The following SAP30L variants were observed in gnomAD, a reference collection of about 807,000 sequenced individuals.
The protein encoded by SAP30L is SAP30 like.
Under a neutral mutation model 22.3 loss-of-function variants are expected in SAP30L, and 10 were observed. The observed-to-expected ratio is 0.45, with a 90% CI of 0.28 to 0.76. The LOEUF is 0.76. SAP30L is among the 30% of genes least tolerant of loss of function. The pLI, the probability that SAP30L is intolerant of heterozygous loss-of-function variation, is 0.14. For synonymous variants in SAP30L, 91 were observed against 94.1 expected (o/e 0.97, Z 0.19); for missense variants, 206 against 237.9 (o/e 0.87, Z 0.88).
intron 3 of SAP30L, 86 bp downstream of exon 3, chr5:154,453,586 T>A: frequency 1.1e-6 from 1 of 919,940 alleles, no homozygotes; most frequent in Non-Finnish European, 1.8e-6. Context: ...CTTGTGTGTC[T>A]GCTAATTGTA....
chr5:154,453,540 G>T, intron 3 of SAP30L, 40 bp downstream of exon 3: 1 of 1,303,306 alleles, frequency 7.7e-7, no homozygotes, highest in Non-Finnish European at 1.1e-6. Flanking sequence ...AGCCAGCATT[G>T]TGCTGCTTCT....
rs1276082901 is a variant in SAP30L, at chr5:154,459,865, AAAC to A, written c.*3841_*3843del. On this transcript the variant is annotated 3_prime_UTR_variant, in exon 4 of 4. Coordinates refer to ENST00000297109, the MANE Select transcript of SAP30L (RefSeq NM_024632.6). Reference sequence around the variant, plus strand: ...GGACTTTGCACTGTTTTTGCTGAGAAAACAACGCTTCAGGACTTAAGGTCTAAG... The same window carrying A: ...GGACTTTGCACTGTTTTTGCTGAGAAAACGCTTCAGGACTTAAGGTCTAAG... 3.3e-5 allele frequency: 5 copies of A among 152,180 alleles called. No homozygotes were observed. The highest frequency in any genetic ancestry group is 7.3e-5 in the Non-Finnish European group (5 of 68,040). 9.4% of individuals were successfully genotyped at this position (152,180 alleles called of 1,614,324 possible).
intron 1 of SAP30L, among the ~76,000 whole-genome samples, chr5:154,450,268 C>T (rs1300418423): frequency 1.3e-5 from 2 of 152,214 alleles, no homozygotes; most frequent in Admixed American, 1.3e-4. Context: ...TAGTATCCAC[C>T]TTCTTGTATG....
In SAP30L at chr5:154,446,069, T is replaced by G. The variant is rs1756989099; in HGVS notation, c.-536T>G. 6.7e-6 allele frequency: 1 copy of G among 149,382 alleles called. No individual in the cohort carries two copies. Among genetic ancestry groups the G allele is most frequent in the African/African-American group, 2.5e-5 (1 of 40,798 alleles). 9.3% of individuals were successfully genotyped at this position (149,382 alleles called of 1,614,324 possible). On this transcript the variant is annotated 5_prime_UTR_variant, in exon 1 of 4. Coordinates refer to ENST00000297109, the MANE Select transcript of SAP30L (RefSeq NM_024632.6). ...CCGCGGGACTCGGGGCGCAGCCGAG[T>G]GGCTGCAGGGGTGGAGTGGGCCGGA...
At position 154,455,822 on chromosome 5, in the gene SAP30L, C is replaced by G. The variant is rs544591474; in HGVS notation, c.424-78C>G. ...GCCACAGCATGCAAACAACTCCATT[C>G]GCTTCTTTGTACAATGTAGAATTTG... On this transcript the variant is annotated intron_variant, in intron 3 of 3. Coordinates refer to ENST00000297109, the MANE Select transcript of SAP30L (RefSeq NM_024632.6). The G allele has an allele frequency of 1.3e-3, 1,930 of 1,476,984 alleles. 2 individuals carry two copies. The highest frequency in any genetic ancestry group is 1.6e-3 in the Non-Finnish European group (1,815 of 1,107,906). 91.5% of individuals were successfully genotyped at this position (1,476,984 alleles called of 1,614,324 possible). A position where few individuals can be genotyped will look rare whatever the true frequency, so the allele number is the denominator to read the frequency against.
chr5:154,448,423 T>G (rs1413122634), intron 1 of SAP30L, among the ~76,000 whole-genome samples: 2 of 152,196 alleles, frequency 1.3e-5, no homozygotes, highest in Non-Finnish European at 2.9e-5. Flanking sequence ...TATCAATGAA[T>G]GCATGAATGG....
chr5:154,454,681 T>G (rs1306550855), intron 3 of SAP30L, among the ~76,000 whole-genome samples: 3 of 152,192 alleles, frequency 2.0e-5, no homozygotes, highest in Non-Finnish European at 4.4e-5. Flanking sequence ...CCTCTCCTAC[T>G]TTAAAATAAC....
At chr5:154,452,729 T>G (rs11747607) in intron 2 of SAP30L, among the ~76,000 whole-genome samples, 79,596 of 146,798 alleles carry the variant, frequency 0.54, 21,238 homozygotes, top group South Asian at 0.64. Flanking sequence ...AGCAAAGAGC[T>G]ATTTGAGGAT....
chr5:154,447,969 C>CTTTTTTTTTTTTTTTTTTTTTTTTTGTTT (rs140213326), intron 1 of SAP30L, among the ~76,000 whole-genome samples: 1 of 88,350 alleles, frequency 1.1e-5, no homozygotes, highest in Non-Finnish European at 2.0e-5. Context: ...TTTTCTTTTT[C>CTTTTTTTTTTTTTTTTTTTTTTTTTGTTT]TTTTTTTTTT....
chr5:154,458,746 A>G lies in SAP30L; in HGVS notation c.*2718A>G, dbSNP rs1014155661. On this transcript the variant is annotated 3_prime_UTR_variant, in exon 4 of 4. Transcript: ENST00000297109. The stretch of plus-strand genomic sequence containing the variant: ...TGGAAACATCAGTATCCTGCCATTC[A>G]TGTTGTTTTAAGATGTTTTAAAAAC... The G allele has an allele frequency of 2.0e-5, 3 of 152,156 alleles. No homozygotes were observed. Among genetic ancestry groups the G allele is most frequent in the African/African-American group, 7.2e-5 (3 of 41,414 alleles). 9.4% of individuals were successfully genotyped at this position (152,156 alleles called of 1,614,324 possible). A position where few individuals can be genotyped will look rare whatever the true frequency, so the allele number is the denominator to read the frequency against.
chr5:154,450,976 C>G, intron 1 of SAP30L, 115 bp from the exon 2 acceptor site: 2 of 1,102,108 alleles, frequency 1.8e-6, no homozygotes, highest in East Asian at 2.4e-5. Context: ...TACATCTTGT[C>G]TTCCATCTAT....
intron 2 of SAP30L, 200 bp from the exon 3 acceptor site, chr5:154,453,202 A>G: frequency 6.0e-6 from 3 of 502,362 alleles, no homozygotes. Context: ...AGATCAGCCC[A>G]CCCCAGCCAG....
chr5:154,449,344 G>A (rs1382182604), intron 1 of SAP30L, among the ~76,000 whole-genome samples: 1 of 152,168 alleles, frequency 6.6e-6, no homozygotes, highest in Non-Finnish European at 1.5e-5. Flanking sequence ...GAAGGCCTGG[G>A]TGACCTTGGC....
At chr5:154,454,617 T>C (rs1007493005) in intron 3 of SAP30L, among the ~76,000 whole-genome samples, 1 of 152,158 alleles carries the variant, frequency 6.6e-6, no homozygotes, top group Non-Finnish European at 1.5e-5. Flanking sequence ...GACCGTCACT[T>C]TTTCTTAAAC....
chr5:154,457,148 A>C lies in SAP30L; in HGVS notation c.*1120A>C, dbSNP rs1309654538. ...ATTTGCCTCCCTCTTAGGGAGAAAG[A>C]TTGCTAAAATAATTTTTGAAAATTA... On this transcript the variant is annotated 3_prime_UTR_variant, in exon 4 of 4. Coordinates refer to ENST00000297109, the MANE Select transcript of SAP30L (RefSeq NM_024632.6). 6.6e-6 allele frequency: 1 copy of C among 152,198 alleles called. No homozygotes were observed. Among genetic ancestry groups the C allele is most frequent in the African/African-American group, 2.4e-5 (1 of 41,450 alleles). The allele number at this position is 152,198 out of a possible 1,614,324, so 9.4% of individuals were successfully genotyped here. A position where few individuals can be genotyped will look rare whatever the true frequency, so the allele number is the denominator to read the frequency against.
rs890041596 is a variant in SAP30L, at chr5:154,458,054, T to G, written c.*2026T>G. 1 of 152,234 alleles carries G rather than the reference T, an allele frequency of 6.6e-6. No individual in the cohort carries two copies. Among genetic ancestry groups the G allele is most frequent in the Non-Finnish European group, 1.5e-5 (1 of 68,042 alleles). The allele number at this position is 152,234 out of a possible 1,614,324, so 9.4% of individuals were successfully genotyped here. A position where few individuals can be genotyped will look rare whatever the true frequency, so the allele number is the denominator to read the frequency against. On this transcript the variant is annotated 3_prime_UTR_variant, in exon 4 of 4. Coordinates refer to ENST00000297109, the MANE Select transcript of SAP30L (RefSeq NM_024632.6). ...CTATTTCTTTAGCAGCAAATCTGTT[T>G]TCCCAGTTGAGAGAGACAATAGCTT...
At chr5:154,455,132 G>C (rs1328267049) in intron 3 of SAP30L, among the ~76,000 whole-genome samples, 2 of 152,130 alleles carry the variant, frequency 1.3e-5, no homozygotes, top group Non-Finnish European at 2.9e-5. Flanking sequence ...TGGCCAGGCT[G>C]GTCTCGGACT....
intron 1 of SAP30L, among the ~76,000 whole-genome samples, chr5:154,448,591 A>G (rs1296759191): frequency 6.6e-6 from 1 of 152,242 alleles, no homozygotes; most frequent in Non-Finnish European, 1.5e-5. Flanking sequence ...GCAGCTTATA[A>G]TAATAATTTC....
At chr5:154,452,591 T>C in intron 2 of SAP30L, 1 of 499,150 alleles carries the variant, frequency 2.0e-6, no homozygotes, top group Non-Finnish European at 2.6e-6. Context: ...GGGGGGTCCC[T>C]TCCCCTCTGT....
Sources: gnomAD v4.1 joint callset for allele counts (sites outside exome capture counted in the v4.1 genomes callset) on GRCh38, gnomAD v4.1.1 for gene constraint, MANE v1.5 for transcripts, NCBI Gene and HGNC (gene_info 2026-07-23, HGNC 2026-07-21) for gene names.